The following ZCCHC24 variants were observed in gnomAD, a reference collection of about 807,000 sequenced individuals.
ZCCHC24 encodes zinc finger CCHC-type containing 24.
In ZCCHC24, 10 loss-of-function variants were observed where a neutral mutation model predicts 26.2. The ratio of observed to expected loss-of-function variants is 0.38; its 90% CI spans 0.24 to 0.65. ZCCHC24 has a LOEUF of 0.65. Ranked by LOEUF, ZCCHC24 falls within the 30% of genes least tolerant of loss-of-function variation. The pLI is 0.54. For missense variants in ZCCHC24, 243 were observed against 329.1 expected (o/e 0.74, Z 2.03); for synonymous variants, 144 against 147.1 (o/e 0.98, Z 0.15).
intron 2 of ZCCHC24, among the ~76,000 whole-genome samples, chr10:79,398,958 G>T (rs1289920893): frequency 6.6e-6 from 1 of 152,144 alleles, no homozygotes; most frequent in African/African-American, 2.4e-5. Context: ...TCTTCCACAA[G>T]GCCACACTTG....
chr10:79,430,506 C>T (rs978591372), intron 2 of ZCCHC24, among the ~76,000 whole-genome samples: 2 of 151,996 alleles, frequency 1.3e-5, no homozygotes, highest in Non-Finnish European at 2.9e-5. Context: ...GGCCTCTGCT[C>T]CTCCTTCTGC....
chr10:79,393,000 C>T (rs1304065347), intron 3 of ZCCHC24, among the ~76,000 whole-genome samples: 1 of 152,198 alleles, frequency 6.6e-6, no homozygotes, highest in Non-Finnish European at 1.5e-5. Flanking sequence ...CTCCCGACCC[C>T]ACCCCAGGCT....
In ZCCHC24 at chr10:79,386,315, G is replaced by A; in HGVS notation, c.*30C>T. ...AGCAGCGTCTCCTCGGGCTGGCGGG[G>A]GGTGGCTCTGGGTGCGGGCGGGCAG... On this transcript the variant is annotated 3_prime_UTR_variant, in exon 4 of 4. Transcript: ENST00000372336. 6.3e-7 allele frequency: 1 copy of A among 1,599,072 alleles called. No individual in the cohort carries two copies. Among genetic ancestry groups the A allele is most frequent in the Non-Finnish European group, 8.5e-7 (1 of 1,170,078 alleles).
intron 3 of ZCCHC24, among the ~76,000 whole-genome samples, chr10:79,392,486 C>T (rs1289233991): frequency 1.3e-5 from 2 of 152,218 alleles, no homozygotes; most frequent in African/African-American, 4.8e-5. Flanking sequence ...TCCCTCCCTC[C>T]TGTGCCGATG....
chr10:79,396,664 A>G (rs1856551018), intron 2 of ZCCHC24, among the ~76,000 whole-genome samples: 1 of 152,276 alleles, frequency 6.6e-6, no homozygotes, highest in Non-Finnish European at 1.5e-5. Context: ...TTGGATCTGC[A>G]GAATCAGAAC....
intron 3 of ZCCHC24, among the ~76,000 whole-genome samples, chr10:79,391,086 T>C (rs934856626): frequency 2.0e-5 from 3 of 152,204 alleles, no homozygotes; most frequent in Non-Finnish European, 4.4e-5. Flanking sequence ...GACTGGTCAC[T>C]GGTCACTTGA....
At position 79,445,619 on chromosome 10, in the gene ZCCHC24, C is replaced by T. The variant is rs923048764; in HGVS notation, c.-179G>A. ...CCGCTGCCGCTGCCGCCGCCTCCCCCCGACTGCGGCCCCGGCGCGCGCAGG... is the reference window on the plus strand; with the variant it reads ...CCGCTGCCGCTGCCGCCGCCTCCCCTCGACTGCGGCCCCGGCGCGCGCAGG... On this transcript the variant is annotated 5_prime_UTR_variant, in exon 1 of 4. Transcript: ENST00000372336. 8.4e-5 allele frequency: 31 copies of T among 368,084 alleles called. No homozygotes were observed. The highest frequency in any genetic ancestry group is 9.8e-5 in the Non-Finnish European group (26 of 264,446). The allele number at this position is 368,084 out of a possible 1,614,324, so 22.8% of individuals were successfully genotyped here. A position where few individuals can be genotyped will look rare whatever the true frequency, so the allele number is the denominator to read the frequency against.
At chr10:79,403,933 G>T (rs73297224) in intron 2 of ZCCHC24, among the ~76,000 whole-genome samples, 1,733 of 152,088 alleles carry the variant, frequency 0.011, 47 homozygotes, top group African/African-American at 0.04. Flanking sequence ...AAAACAAGCG[G>T]GGGACAGAGA....
chr10:79,428,058 T>C (rs1857057964), intron 2 of ZCCHC24, among the ~76,000 whole-genome samples: 1 of 152,204 alleles, frequency 6.6e-6, no homozygotes, highest in Non-Finnish European at 1.5e-5. Context: ...CGAGCAAAGA[T>C]ACTTATAAAC....
intron 1 of ZCCHC24, among the ~76,000 whole-genome samples, chr10:79,440,546 T>C (rs527935922): frequency 6.6e-6 from 1 of 152,316 alleles, no homozygotes; most frequent in East Asian, 1.9e-4. Context: ...AGAGCAAATC[T>C]GGGGACCAAT....
At chr10:79,417,680 T>A (rs1029565057) in intron 2 of ZCCHC24, among the ~76,000 whole-genome samples, 1 of 152,060 alleles carries the variant, frequency 6.6e-6, no homozygotes, top group African/African-American at 2.4e-5. Flanking sequence ...GGGCCACAGA[T>A]GACATCCAGG....
chr10:79,427,647 A>G (rs1263281407), intron 2 of ZCCHC24, among the ~76,000 whole-genome samples: 1 of 152,210 alleles, frequency 6.6e-6, no homozygotes. Flanking sequence ...TGATAAATGA[A>G]AATAAGATAC....
At chr10:79,387,920 T>C (rs1357439998) in intron 3 of ZCCHC24, among the ~76,000 whole-genome samples, 1 of 152,144 alleles carries the variant, frequency 6.6e-6, no homozygotes, top group African/African-American at 2.4e-5. Flanking sequence ...GCTCCCAGGC[T>C]TAAAGTCACA....
chr10:79,395,359 CTTGT>C (rs1856532199), intron 2 of ZCCHC24, among the ~76,000 whole-genome samples: 1 of 152,208 alleles, frequency 6.6e-6, no homozygotes, highest in African/African-American at 2.4e-5. Context: ...GAACATCTAG[CTTGT>C]TTCTGTTCTC....
chr10:79,408,304 T>C (rs558790205), intron 2 of ZCCHC24, among the ~76,000 whole-genome samples: 10 of 152,294 alleles, frequency 6.6e-5, no homozygotes, highest in African/African-American at 1.9e-4. Flanking sequence ...TCAGTTTCCC[T>C]GCAGGGAGCT....
intron 2 of ZCCHC24, among the ~76,000 whole-genome samples, chr10:79,413,134 G>A (rs936520755): frequency 6.6e-6 from 1 of 152,224 alleles, no homozygotes; most frequent in Non-Finnish European, 1.5e-5. Context: ...GTGCTGAGGG[G>A]ACCAGTGGGC....
chr10:79,397,848 G>A (rs371246885), intron 2 of ZCCHC24, among the ~76,000 whole-genome samples: 11 of 152,188 alleles, frequency 7.2e-5, no homozygotes, highest in South Asian at 2.1e-4. Context: ...AGAGTGAAGC[G>A]TGGGGACTGG....
intron 1 of ZCCHC24, among the ~76,000 whole-genome samples, chr10:79,444,675 C>T (rs1385131296): frequency 6.6e-6 from 1 of 152,194 alleles, no homozygotes; most frequent in African/African-American, 2.4e-5. Context: ...TCTGGGCAGT[C>T]ACTGCTCTCC....
intron 1 of ZCCHC24, among the ~76,000 whole-genome samples, chr10:79,435,650 G>A (rs914790510): frequency 6.6e-6 from 1 of 152,226 alleles, no homozygotes; most frequent in African/African-American, 2.4e-5. Context: ...GGTAGAGACC[G>A]TCAGCTGACC....
Sources: gnomAD v4.1 joint callset for allele counts (sites outside exome capture counted in the v4.1 genomes callset) on GRCh38, gnomAD v4.1.1 for gene constraint, MANE v1.5 for transcripts, NCBI Gene and HGNC (gene_info 2026-07-23, HGNC 2026-07-21) for gene names.